CHSY3: variants seen among roughly 807,000 people sequenced by gnomAD.
The protein encoded by CHSY3 is N-acetylgalactosaminyl-proteoglycan 3-beta-glucuronosyltransferase 3.
CHSY3 carries 35 observed loss-of-function variants against 67.2 expected under a neutral mutation model. The ratio of observed to expected loss-of-function variants is 0.52; its 90% CI spans 0.40 to 0.69. CHSY3 has a LOEUF of 0.69. CHSY3 is among the 30% of genes least tolerant of loss of function. The probability of loss-of-function intolerance (pLI) is 0.00; values close to 1 mark genes in which losing one functional copy is unlikely to be tolerated. For synonymous variants in CHSY3, 474 were observed against 434.7 expected (o/e 1.09, Z -1.12); for missense variants, 1,069 against 1,138.5 (o/e 0.94, Z 0.88).
At chr5:129,920,373 G>C (rs1044987576) in intron 2 of CHSY3, among the ~76,000 whole-genome samples, 1 of 152,188 alleles carries the variant, frequency 6.6e-6, no homozygotes, top group Non-Finnish European at 1.5e-5. Context: ...AGCCTCCTGA[G>C]TAGCTAAGAT....
chr5:129,904,250 G>T (rs2149570776), upstream of CHSY3, among the ~76,000 whole-genome samples: 1 of 152,004 alleles, frequency 6.6e-6, no homozygotes, highest in African/African-American at 2.4e-5. Context: ...GTTTCCTTCC[G>T]GAGAGGAGGC....
At chr5:130,134,839 TCCCA>T (rs1768606748) in intron 2 of CHSY3, among the ~76,000 whole-genome samples, 1 of 141,564 alleles carries the variant, frequency 7.1e-6, no homozygotes, top group African/African-American at 2.8e-5. Context: ...ACGTTTTACT[TCCCA>T]CCCCCCCCAA....
In CHSY3 at chr5:130,112,627, C is replaced by G. The variant is rs181127623; in HGVS notation, c.1087-71602C>G. On this transcript the variant is annotated intron_variant, in intron 2 of 2. Coordinates refer to ENST00000305031, the MANE Select transcript of CHSY3 (RefSeq NM_175856.5). ...AACAATATAAGTGTAAAAGTCCAAG[C>G]CTTGGTGGACATAAATTGTTTCTAT... Among the ~76,000 whole-genome samples the G allele has an allele frequency of 1.3e-3, 191 of 152,096 alleles. 2 individuals carry two copies. The highest frequency in any genetic ancestry group is 5.0e-3 in the South Asian group (24 of 4,808).
intron 2 of CHSY3, among the ~76,000 whole-genome samples, chr5:130,180,788 T>C (rs1303846789): frequency 6.6e-6 from 1 of 152,146 alleles, no homozygotes; most frequent in East Asian, 1.9e-4. Flanking sequence ...CCAGGAGCAC[T>C]GCAGTGAGCA....
intron 2 of CHSY3, among the ~76,000 whole-genome samples, chr5:130,079,914 C>T (rs73785871): frequency 5.0e-4 from 76 of 152,088 alleles, no homozygotes; most frequent in African/African-American, 1.8e-3. Flanking sequence ...TGGCTACCTT[C>T]TAATGATCCA....
At chr5:130,171,115 G>A (rs1416175108) in intron 2 of CHSY3, among the ~76,000 whole-genome samples, 1 of 151,938 alleles carries the variant, frequency 6.6e-6, no homozygotes, top group Non-Finnish European at 1.5e-5. Context: ...AATGTTTAGG[G>A]AAAAAATAAA....
intron 2 of CHSY3, among the ~76,000 whole-genome samples, chr5:130,084,178 T>TC (rs1766534812): frequency 6.6e-6 from 1 of 152,038 alleles, no homozygotes; most frequent in African/African-American, 2.4e-5. Flanking sequence ...ATTGGGTTTA[T>TC]CATTATATTT....
At chr5:130,175,615 G>C (rs537102348) in intron 2 of CHSY3, among the ~76,000 whole-genome samples, 1 of 152,182 alleles carries the variant, frequency 6.6e-6, no homozygotes, top group African/African-American at 2.4e-5. Flanking sequence ...ATACTACAAG[G>C]CTACAGTAAT....
At chr5:129,920,476 T>C (rs1200584880) in intron 2 of CHSY3, among the ~76,000 whole-genome samples, 5 of 152,134 alleles carry the variant, frequency 3.3e-5, no homozygotes, top group African/African-American at 1.2e-4. Flanking sequence ...GAGCTCCTGA[T>C]CTCGTGATCC....
intron 2 of CHSY3, among the ~76,000 whole-genome samples, chr5:130,124,563 C>A (rs1768198824): frequency 6.6e-6 from 1 of 151,672 alleles, no homozygotes; most frequent in Non-Finnish European, 1.5e-5. Flanking sequence ...TCAAGCAATT[C>A]TCCTGCTTCA....
intron 2 of CHSY3, among the ~76,000 whole-genome samples, chr5:129,929,660 A>C (rs773000653): frequency 1.3e-4 from 20 of 152,328 alleles, no homozygotes; most frequent in Middle Eastern, 3.4e-3. Flanking sequence ...ATAAAAAAAA[A>C]CCACAAACTA....
intron 2 of CHSY3, among the ~76,000 whole-genome samples, chr5:130,177,318 T>G: frequency 6.6e-6 from 1 of 152,068 alleles, no homozygotes; most frequent in East Asian, 1.9e-4. Flanking sequence ...TTCTGAACAA[T>G]CCCTTCTTTT....
At chr5:130,010,467 T>C (rs1011208958) in intron 2 of CHSY3, among the ~76,000 whole-genome samples, 12 of 152,252 alleles carry the variant, frequency 7.9e-5, no homozygotes, top group African/African-American at 2.9e-4. Context: ...AGAATCTCTG[T>C]GACACAGCTA....
At chr5:129,981,235 G>GATCA (rs1762977263) in intron 2 of CHSY3, among the ~76,000 whole-genome samples, 1 of 144,638 alleles carries the variant, frequency 6.9e-6, no homozygotes, top group Non-Finnish European at 1.5e-5. Flanking sequence ...AAAAAAAAAA[G>GATCA]ATCAATCGAC....
chr5:129,987,413 T>C (rs751849440), intron 2 of CHSY3, among the ~76,000 whole-genome samples: 8 of 152,338 alleles, frequency 5.3e-5, no homozygotes, highest in Middle Eastern at 6.8e-3. Flanking sequence ...TGACAGATTT[T>C]TAAACAGAAC....
intron 2 of CHSY3, among the ~76,000 whole-genome samples, chr5:130,063,030 T>G (rs1037038866): frequency 1.3e-5 from 2 of 152,160 alleles, no homozygotes; most frequent in African/African-American, 4.8e-5. Context: ...TTCTTGCATT[T>G]TAATATCTGT....
At position 129,957,357 on chromosome 5, in the gene CHSY3, C is replaced by A. The variant is rs1226627671; in HGVS notation, c.1086+48997C>A. On this transcript the variant is annotated intron_variant, in intron 2 of 2. Coordinates refer to ENST00000305031, the MANE Select transcript of CHSY3 (RefSeq NM_175856.5). The stretch of plus-strand genomic sequence containing the variant: ...CTGAAATTGTTTTTCAGCTTAAGGA[C>A]CTTTTGAGCCGAGACTGGGGTTTTC... Among the ~76,000 whole-genome samples, 2 of 62,106 alleles carry A rather than the reference C, an allele frequency of 3.2e-5. 1 individual carries two copies. The highest frequency in any genetic ancestry group is 1.5e-4 in the African/African-American group (2 of 13,748). 40.7% of individuals were successfully genotyped at this position (62,106 alleles called of 152,430 possible).
intron 2 of CHSY3, among the ~76,000 whole-genome samples, chr5:129,938,991 A>G (rs1330955677): frequency 1.3e-5 from 2 of 152,196 alleles, no homozygotes; most frequent in African/African-American, 2.4e-5. Flanking sequence ...CTATAAACAC[A>G]TAACTGAGAC....
intron 2 of CHSY3, among the ~76,000 whole-genome samples, chr5:130,158,557 G>A (rs1158383688): frequency 6.6e-6 from 1 of 152,154 alleles, no homozygotes; most frequent in Non-Finnish European, 1.5e-5. Flanking sequence ...TGTGGGTCTA[G>A]ACAAGATGTG....
Sources: allele counts gnomAD v4.1 joint callset (sites outside exome capture counted in the v4.1 genomes callset), GRCh38; gene constraint gnomAD v4.1.1; transcripts MANE v1.5; gene names NCBI Gene and HGNC (gene_info 2026-07-23, HGNC 2026-07-21).